Variants in CD101 observed in about 807,000 individuals in gnomAD.
The protein encoded by CD101 is immunoglobulin superfamily member 2.
CD101 carries 76 observed loss-of-function variants against 98.2 expected under a neutral mutation model. That is an observed-to-expected ratio of 0.77 (90% CI 0.64 to 0.94). CD101 has a LOEUF of 0.94. Among genes scored for constraint, CD101 ranks in the 40% least tolerant of loss-of-function variants. The pLI is 0.00. For missense variants in CD101, 1,145 were observed against 1,218.8 expected (o/e 0.94, Z 0.90); for synonymous variants, 471 against 472.7 (o/e 1.00, Z 0.05).
Position 117,017,429 on chromosome 1 carries a change from A to G in CD101, c.1568A>G (p.Asp523Gly), listed in dbSNP as rs375148372. Residue 523 changes from aspartate to glycine, a missense_variant, in exon 5 of 10, where the codon GAT becomes GGT. Physicochemically the swap from Asp to Gly is moderately conservative, Grantham distance 94 (BLOSUM62 -1). Transcript: ENST00000682167. The stretch of plus-strand genomic sequence containing the variant: ...GAGAAGTCTCGGAACCAGGCCAGAG[A>G]TCTGAGCTGGACTCAGAAGATTTCA... ...VSEKSRNQAR[D>G]LSWTQKISVT... The G allele has an allele frequency of 1.9e-5, 30 of 1,614,098 alleles. No homozygotes were observed. The East Asian group carries it at 5.3e-4, about 29-fold the overall frequency.
Position 117,014,556 on chromosome 1 carries a change from C to G in CD101, c.1228+764C>G, listed in dbSNP as rs567987300. 7.8e-4 allele frequency among the ~76,000 whole-genome samples: 119 copies of G among 152,092 alleles called. 1 individual carries two copies. Among genetic ancestry groups the G allele is most frequent in the Middle Eastern group, 3.2e-3 (1 of 316 alleles). ...CTTTACTTTATGAAGGTTGGGTGAC[C>G]TTAAACATGTTTGAATAATCAGTGC... On this transcript the variant is annotated intron_variant, in intron 4 of 9. Transcript: ENST00000682167.
At chr1:117,030,635 A>T (rs879331725) in intron 8 of CD101, among the ~76,000 whole-genome samples, 1 of 152,222 alleles carries the variant, frequency 6.6e-6, no homozygotes, top group Non-Finnish European at 1.5e-5. Context: ...ATGGCATTCA[A>T]CAAATGCTTA....
intron 1 of CD101, among the ~76,000 whole-genome samples, chr1:117,008,139 A>G (rs1312397242): frequency 6.6e-6 from 1 of 152,218 alleles, no homozygotes; most frequent in Non-Finnish European, 1.5e-5. Context: ...TGTCACATTA[A>G]TTTGGACTTA....
chr1:117,007,577 C>G (rs10923197), intron 1 of CD101, among the ~76,000 whole-genome samples: 39,401 of 151,988 alleles, frequency 0.26, 6,607 homozygotes, highest in East Asian at 0.62. Flanking sequence ...TAAACTCCTG[C>G]CCTCAAGTGA....
chr1:117,025,059 G>A (rs1174591586), intron 7 of CD101, among the ~76,000 whole-genome samples: 1 of 152,138 alleles, frequency 6.6e-6, no homozygotes, highest in African/African-American at 2.4e-5. Context: ...CAGGGACCAA[G>A]GACAAGAATT....
rs1479407255 is a variant in CD101, at chr1:117,021,811, T to C, written c.2256T>C (p.His752=). 1 of 1,614,184 alleles carries C rather than the reference T, an allele frequency of 6.2e-7. No homozygotes were observed. The highest frequency in any genetic ancestry group is 1.3e-5 in the African/African-American group (1 of 75,050). The change falls in exon 7 of 10, where the codon CAT becomes CAC. Residue 752 remains histidine, a synonymous_variant. Transcript: ENST00000682167. This position sits in a 1 kb window ranked among gnomAD's most constrained non-coding sequence, Gnocchi z 4.7. ...FHTPQRKQKF[H]TEKVSQDLFQ... ...CCCCACAGAGAAAACAAAAATTTCATACTGAGAAGGTTTCCCAAGACTTAT... is the reference window on the plus strand; with the variant it reads ...CCCCACAGAGAAAACAAAAATTTCACACTGAGAAGGTTTCCCAAGACTTAT...
rs1224112500 is a variant in CD101, at chr1:117,005,396, C to T, written c.43+3536C>T. 6.6e-6 allele frequency among the ~76,000 whole-genome samples: 1 copy of T among 152,184 alleles called. No homozygotes were observed. The highest frequency in any genetic ancestry group is 1.9e-4 in the East Asian group (1 of 5,200). On this transcript the variant is annotated intron_variant, in intron 1 of 9. Coordinates refer to ENST00000682167, the MANE Select transcript of CD101 (RefSeq NM_001256106.3). The surrounding 1 kb of genome is among the most constrained non-coding windows in gnomAD (Gnocchi z 4.4). The stretch of plus-strand genomic sequence containing the variant: ...TACCCTGAAAACTGCTGCTTCCACT[C>T]TATTGAAATCCCTTTTACAAAGATC...
Position 117,010,273 on chromosome 1 carries a change from CAG to C in CD101, c.424+46_424+47del. On this transcript the variant is annotated intron_variant, in intron 2 of 9. Coordinates refer to ENST00000682167, the MANE Select transcript of CD101 (RefSeq NM_001256106.3). This position sits in a 1 kb window ranked among gnomAD's most constrained non-coding sequence, Gnocchi z 5.2. The stretch of plus-strand genomic sequence containing the variant: ...TTCTGCTAGCCAGCCCCTGAGAAGC[CAG>C]AGTCTCCACCATGACAATATCTTGC... 6.4e-7 allele frequency: 1 copy of C among 1,568,060 alleles called. No individual in the cohort carries two copies. The highest frequency in any genetic ancestry group is 8.7e-7 in the Non-Finnish European group (1 of 1,154,044).
chr1:117,007,933 C>T (rs1570711940), intron 1 of CD101, among the ~76,000 whole-genome samples: 1 of 152,172 alleles, frequency 6.6e-6, no homozygotes, highest in East Asian at 1.9e-4. Flanking sequence ...TTGTTTGAAG[C>T]TTTAATGAGC....
chr1:117,013,718 C>T lies in CD101; in HGVS notation c.1154C>T (p.Thr385Ile), dbSNP rs1653032563. Reference protein sequence around the residue: ...YRCVVAEVMKTRTGSWQVLQR... With the variant: ...YRCVVAEVMKIRTGSWQVLQR... ...TGTGTGGTAGCAGAGGTCATGAAAA[C>T]ACGCACAGGTTCCTGGCAGGTGCTT... is the stretch of plus-strand genomic sequence containing the variant. The change falls in exon 4 of 10, where the codon ACA becomes ATA. Residue 385 changes from threonine (T) to isoleucine (I), a missense_variant. Physicochemically the swap from Thr to Ile is moderately conservative, Grantham distance 89. Transcript: ENST00000682167. 2 of 1,614,068 alleles carry T rather than the reference C, an allele frequency of 1.2e-6. No homozygotes were observed. The highest frequency in any genetic ancestry group is 1.7e-6 in the Non-Finnish European group (2 of 1,180,036).
In CD101 at chr1:117,030,403, CAAAG is replaced by C. The variant is rs571764204; in HGVS notation, c.2825-3455_2825-3452del. Among the ~76,000 whole-genome samples the C allele has an allele frequency of 8.1e-3, 1,036 of 127,314 alleles. 13 individuals carry two copies. Among genetic ancestry groups the C allele is most frequent in the Non-Finnish European group, 7.1e-3 (411 of 57,956 alleles). The allele number at this position is 127,314 out of a possible 152,430, so 83.5% of individuals were successfully genotyped here. A position where few individuals can be genotyped will look rare whatever the true frequency, so the allele number is the denominator to read the frequency against. ...CAAAACAAACAAACAAACAAACAAA[CAAAG>C]AGAGAGAGAGAGAAAGAGACAGAGA... On this transcript the variant is annotated intron_variant, in intron 8 of 9. Coordinates refer to ENST00000682167, the MANE Select transcript of CD101 (RefSeq NM_001256106.3).
In CD101 at chr1:117,006,974, C is replaced by T. The variant is rs961280997; in HGVS notation, c.44-2876C>T. On this transcript the variant is annotated intron_variant, in intron 1 of 9. Transcript: ENST00000682167. This position sits in a 1 kb window ranked among gnomAD's most constrained non-coding sequence, Gnocchi z 4.4. ...AAAAATTTTCAAACGTGGTACCCAT[C>T]TTGCTGAAAAGTGATGGGAAACGTT... Among the ~76,000 whole-genome samples, 1 of 152,120 alleles carries T rather than the reference C, an allele frequency of 6.6e-6. No homozygotes were observed. The highest frequency in any genetic ancestry group is 1.5e-5 in the Non-Finnish European group (1 of 68,022).
At position 117,014,825 on chromosome 1, in the gene CD101, C is replaced by T. The variant is rs3820496; in HGVS notation, c.1228+1033C>T. ...CCATTTACTAGGAATGAAGATGCAC[C>T]GATTTGGCCTTGAGTGGCAGGCCAG... On this transcript the variant is annotated intron_variant, in intron 4 of 9. Transcript: ENST00000682167. Among the ~76,000 whole-genome samples the T allele has an allele frequency of 5.2e-3, 789 of 152,262 alleles. 16 individuals carry two copies. In the East Asian group the frequency reaches 0.066, roughly 13 times the overall value.
In CD101 at chr1:117,005,498, G is replaced by A. The variant is rs1281796670; in HGVS notation, c.43+3638G>A. Among the ~76,000 whole-genome samples, 1 of 152,080 alleles carries A rather than the reference G, an allele frequency of 6.6e-6. No individual in the cohort carries two copies. Among genetic ancestry groups the A allele is most frequent in the Admixed American group, 6.6e-5 (1 of 15,266 alleles). ...GTCCCCAACCTCTTGGCAGCCTTTG[G>A]CAGTGCTGACAAGCCCTTTCCTCTT... On this transcript the variant is annotated intron_variant, in intron 1 of 9. Transcript: ENST00000682167. The surrounding 1 kb of genome is among the most constrained non-coding windows in gnomAD (Gnocchi z 4.4).
chr1:117,025,377 A>G, intron 7 of CD101, 132 bp from the exon 8 acceptor site: 1 of 740,916 alleles, frequency 1.3e-6, no homozygotes, highest in Non-Finnish European at 2.0e-6. Flanking sequence ...AATAAAAATA[A>G]TAAAAAAAAT....
chr1:117,032,607 T>C (rs933688926), intron 8 of CD101: 11 of 152,250 alleles, frequency 7.2e-5, no homozygotes, highest in Non-Finnish European at 1.3e-4. Context: ...AGAAATTGCT[T>C]ATGTCATTAC....
intron 7 of CD101, 176 bp from the exon 8 acceptor site, chr1:117,025,333 G>A: frequency 2.1e-6 from 1 of 487,202 alleles, no homozygotes; most frequent in South Asian, 3.8e-5. Flanking sequence ...ACTGCACTCT[G>A]GCCTGGGTGA....
In CD101 at chr1:117,018,473, GT is replaced by G; in HGVS notation, c.1933del (p.Tyr645MetfsTer21). On this transcript the variant is annotated frameshift_variant, in exon 6 of 10. Transcript: ENST00000682167. LOFTEE classifies it high-confidence loss of function. This position sits in a 1 kb window ranked among gnomAD's most constrained non-coding sequence, Gnocchi z 4.3. ...AGGAGTGTATCAGTGTGAAGTAGAA[GT>G]TTATGACAGAAATTCCCTATACAAC... Reference protein sequence around the residue: ...ETGVYQCEVEVYDRNSLYNNR... With the variant: ...ETGVYQCEVEXYDRNSLYNNR... 6.2e-7 allele frequency: 1 copy of G among 1,614,182 alleles called. No homozygotes were observed. Among genetic ancestry groups the G allele is most frequent in the Non-Finnish European group, 8.5e-7 (1 of 1,180,018 alleles).
In CD101 at chr1:117,021,157, C is replaced by T. The variant is rs1653558363; in HGVS notation, c.2018-416C>T. ...CACAAACACAGCATTAATAGGGCCACTTTCTCCCAATCTGATACATGAAAT... is the reference window on the plus strand; with the variant it reads ...CACAAACACAGCATTAATAGGGCCATTTTCTCCCAATCTGATACATGAAAT... On this transcript the variant is annotated intron_variant, in intron 6 of 9. Coordinates refer to ENST00000682167, the MANE Select transcript of CD101 (RefSeq NM_001256106.3). The surrounding 1 kb of genome is among the most constrained non-coding windows in gnomAD (Gnocchi z 4.7). 6.6e-6 allele frequency among the ~76,000 whole-genome samples: 1 copy of T among 152,220 alleles called. No individual in the cohort carries two copies. Among genetic ancestry groups the T allele is most frequent in the Non-Finnish European group, 1.5e-5 (1 of 68,046 alleles).
Sources: allele counts gnomAD v4.1 joint callset (sites outside exome capture counted in the v4.1 genomes callset), GRCh38; gene constraint gnomAD v4.1.1; non-coding constraint Gnocchi (gnomAD v3.1); transcripts MANE v1.5; gene names NCBI Gene and HGNC (gene_info 2026-07-23, HGNC 2026-07-21).